FMN1: variants seen among roughly 807,000 people sequenced by gnomAD.
The protein encoded by FMN1 is formin 1, also known as formin-1.
A neutral mutation model predicts 132.4 loss-of-function variants in FMN1; 110 were observed. That is an observed-to-expected ratio of 0.83 (90% confidence interval 0.71 to 0.97). The LOEUF (loss-of-function observed/expected upper bound fraction) is 0.97. FMN1 is among the 50% of genes least tolerant of loss of function. The pLI is 0.00. For missense variants in FMN1, 1,792 were observed against 1,705.3 expected (o/e 1.05, Z -0.90); for synonymous variants, 722 against 651.7 (o/e 1.11, Z -1.64).
chr15:32,962,750 C>T (rs1003753885), intron 9 of FMN1, among the ~76,000 whole-genome samples: 1 of 150,936 alleles, frequency 6.6e-6, no homozygotes, highest in African/African-American at 2.5e-5. Flanking sequence ...AAATGCTCAC[C>T]ATCACTGGCC....
intron 10 of FMN1, among the ~76,000 whole-genome samples, chr15:32,925,510 T>C (rs2060938734): frequency 6.6e-6 from 1 of 152,110 alleles, no homozygotes; most frequent in African/African-American, 2.4e-5. Context: ...AGTGACCTGG[T>C]TTCTTCAACA....
chr15:33,072,376 T>C (rs570685362), intron 5 of FMN1, among the ~76,000 whole-genome samples: 3 of 152,280 alleles, frequency 2.0e-5, no homozygotes, highest in African/African-American at 7.2e-5. Context: ...TTTGGGTATA[T>C]GGGTGATCAA....
chr15:33,113,384 A>T (rs1177606255), intron 4 of FMN1, among the ~76,000 whole-genome samples: 1 of 150,154 alleles, frequency 6.7e-6, no homozygotes, highest in Non-Finnish European at 1.5e-5. Context: ...TTTTCAATTA[A>T]TAGTTCAGTG....
intron 9 of FMN1, among the ~76,000 whole-genome samples, chr15:32,957,298 CTTTTTTT>C (rs869111673): frequency 7.1e-5 from 6 of 84,178 alleles, no homozygotes; most frequent in African/African-American, 1.8e-4. Flanking sequence ...CAGAGCAGTT[CTTTTTTT>C]TTTTTTTTTT....
chr15:33,054,107 G>C (rs1008914243), intron 6 of FMN1, among the ~76,000 whole-genome samples: 1 of 152,216 alleles, frequency 6.6e-6, no homozygotes, highest in African/African-American at 2.4e-5. Context: ...CTTTCTAGGG[G>C]CCTTACCAGG....
intron 16 of FMN1, among the ~76,000 whole-genome samples, chr15:32,880,223 G>A (rs759891266): frequency 5.3e-5 from 8 of 152,208 alleles, no homozygotes; most frequent in Admixed American, 2.0e-4. Context: ...AGTCCCAGCT[G>A]ATATATGGAA....
intron 6 of FMN1, among the ~76,000 whole-genome samples, chr15:33,054,151 G>A (rs1032920567): frequency 6.6e-6 from 1 of 152,146 alleles, no homozygotes; most frequent in Non-Finnish European, 1.5e-5. Flanking sequence ...AAGTACAGTT[G>A]AAATGGGCTC....
At chr15:32,828,348 G>A (rs1328697697) in intron 17 of FMN1, among the ~76,000 whole-genome samples, 1 of 152,196 alleles carries the variant, frequency 6.6e-6, no homozygotes, top group Non-Finnish European at 1.5e-5. Flanking sequence ...AGAATGGTAA[G>A]CCCAATATGG....
At chr15:33,009,922 C>CTT (rs3081381) in intron 6 of FMN1, among the ~76,000 whole-genome samples, 24,785 of 152,044 alleles carry the variant, frequency 0.16, 2,257 homozygotes, top group African/African-American at 0.23. Context: ...GAGTTTCACT[C>CTT]GTTTCCCAGG....
intron 6 of FMN1, among the ~76,000 whole-genome samples, chr15:33,056,640 G>C (rs778613458): frequency 2.6e-5 from 4 of 152,154 alleles, no homozygotes. Flanking sequence ...AATACATAAA[G>C]AGGCAGCCTT....
At chr15:33,106,278 A>C (rs912417426) in intron 4 of FMN1, 1 of 142,838 alleles carries the variant, frequency 7.0e-6, no homozygotes, top group Non-Finnish European at 1.5e-5. Flanking sequence ...CAGAATCCAC[A>C]CACACACACA....
chr15:33,088,498 A>G (rs1244567162), intron 5 of FMN1, among the ~76,000 whole-genome samples: 1 of 152,168 alleles, frequency 6.6e-6, no homozygotes, highest in African/African-American at 2.4e-5. Context: ...GTGACTAGCA[A>G]CCAGTGGGTA....
At chr15:32,958,120 AG>A (rs2030039024) in intron 9 of FMN1, among the ~76,000 whole-genome samples, 1 of 152,246 alleles carries the variant, frequency 6.6e-6, no homozygotes, top group Admixed American at 6.5e-5. Context: ...TTACATAGAA[AG>A]CACATCTTTT....
intron 8 of FMN1, among the ~76,000 whole-genome samples, chr15:32,966,648 T>C (rs1471398625): frequency 6.6e-6 from 1 of 152,156 alleles, no homozygotes; most frequent in Non-Finnish European, 1.5e-5. Flanking sequence ...AATCAGTTCA[T>C]ACCAGGAGTC....
intron 12 of FMN1, among the ~76,000 whole-genome samples, chr15:32,902,505 C>T (rs1345468749): frequency 1.3e-5 from 2 of 152,118 alleles, no homozygotes; most frequent in African/African-American, 4.8e-5. Flanking sequence ...AAATCTCTTA[C>T]TAAAGTGATA....
intron 15 of FMN1, 64 bp from the exon 16 acceptor site, chr15:32,888,356 A>T (rs2059943833): frequency 6.9e-7 from 1 of 1,446,688 alleles, no homozygotes. Flanking sequence ...TTGAAATTCC[A>T]AAGCATCAAT....
At chr15:33,145,263 C>A (rs975672195) in intron 4 of FMN1, among the ~76,000 whole-genome samples, 1 of 151,932 alleles carries the variant, frequency 6.6e-6, no homozygotes, top group Non-Finnish European at 1.5e-5. Context: ...CAAGGCACAA[C>A]TGCCTACCTC....
At chr15:33,039,482 TAGAC>T (rs1408081659) in intron 6 of FMN1, among the ~76,000 whole-genome samples, 2 of 152,196 alleles carry the variant, frequency 1.3e-5, no homozygotes, top group Non-Finnish European at 2.9e-5. Flanking sequence ...AAATTGTTAT[TAGAC>T]AGCTGGTTTT....
intron 4 of FMN1, among the ~76,000 whole-genome samples, chr15:33,148,937 G>T (rs184147957): frequency 1.8e-3 from 278 of 151,904 alleles, no homozygotes; most frequent in African/African-American, 6.5e-3. Context: ...ACATAGAAAA[G>T]TGTACTTTAG....
Sources: gnomAD v4.1 joint callset for allele counts (sites outside exome capture counted in the v4.1 genomes callset) on GRCh38, gnomAD v4.1.1 for gene constraint, MANE v1.5 for transcripts, NCBI Gene and HGNC (gene_info 2026-07-23, HGNC 2026-07-21) for gene names.